Variants in STAC observed in about 807,000 individuals in gnomAD.
STAC encodes SH3 and cysteine-rich domain-containing protein.
In STAC, 43 loss-of-function variants were observed where a neutral mutation model predicts 48.8. That is an observed-to-expected ratio of 0.88 (90% confidence interval 0.69 to 1.14). The LOEUF (loss-of-function observed/expected upper bound fraction) is 1.14. Ranked by LOEUF, STAC falls within the 50% of genes most tolerant of loss-of-function variation. STAC has a pLI of 0.00. For synonymous variants in STAC, 193 were observed against 179.5 expected, an observed-to-expected ratio of 1.07 and a Z score of -0.60; for missense variants, 497 against 504.0, an observed-to-expected ratio of 0.99 and a Z score of 0.13.
At chr3:36,447,611 C>T (rs1696544472) in intron 2 of STAC, among the ~76,000 whole-genome samples, 1 of 151,490 alleles carries the variant, frequency 6.6e-6, no homozygotes, top group African/African-American at 2.4e-5. Context: ...AGCCATTAAT[C>T]AAACCTTGAA....
chr3:36,532,418 T>C (rs1699094069), intron 10 of STAC, among the ~76,000 whole-genome samples: 1 of 152,156 alleles, frequency 6.6e-6, no homozygotes, highest in South Asian at 2.1e-4. Context: ...AGACTCTATG[T>C]TTAAAAAGAT....
chr3:36,452,689 T>C (rs1399212502), intron 2 of STAC, among the ~76,000 whole-genome samples: 1 of 152,226 alleles, frequency 6.6e-6, no homozygotes, highest in Non-Finnish European at 1.5e-5. Context: ...CATTTATCCA[T>C]CACACATGGA....
chr3:36,381,105 A>C (rs537544428), intron 1 of STAC, among the ~76,000 whole-genome samples: 2 of 152,200 alleles, frequency 1.3e-5, no homozygotes, highest in East Asian at 3.9e-4. Context: ...TGAGGGATGG[A>C]GACAGCCGAG....
At chr3:36,528,641 G>T (rs998561068) in intron 8 of STAC, 55 bp from the exon 9 acceptor site, 2 of 1,395,798 alleles carry the variant, frequency 1.4e-6, no homozygotes, top group African/African-American at 2.9e-5. Flanking sequence ...TGACTTTAAA[G>T]TATGTTATTT....
chr3:36,498,290 T>C (rs1396820519), intron 6 of STAC, among the ~76,000 whole-genome samples: 1 of 152,044 alleles, frequency 6.6e-6, no homozygotes, highest in East Asian at 1.9e-4. Context: ...GATTGATGGG[T>C]TTAACAACAT....
intron 6 of STAC, among the ~76,000 whole-genome samples, chr3:36,500,683 A>T (rs1438195500): frequency 6.6e-6 from 1 of 152,224 alleles, no homozygotes; most frequent in Non-Finnish European, 1.5e-5. Flanking sequence ...AATTTCAAAT[A>T]ATTATTATTA....
intron 3 of STAC, 72 bp downstream of exon 3, chr3:36,483,164 C>T (rs777892999): frequency 1.7e-6 from 2 of 1,206,270 alleles, no homozygotes; most frequent in South Asian, 1.3e-5. Context: ...TGAGATCACC[C>T]CCTCCAAAAT....
At chr3:36,508,787 C>G (rs971076421) in intron 8 of STAC, among the ~76,000 whole-genome samples, 10 of 152,000 alleles carry the variant, frequency 6.6e-5, no homozygotes, top group African/African-American at 2.4e-4. Flanking sequence ...TCCTGCATCC[C>G]TTTATTTTGA....
At chr3:36,452,303 TG>T (rs1470375514) in intron 2 of STAC, among the ~76,000 whole-genome samples, 1 of 152,246 alleles carries the variant, frequency 6.6e-6, no homozygotes, top group Non-Finnish European at 1.5e-5. Context: ...CACAAGCAGA[TG>T]CTATTTATAA....
At chr3:36,481,479 A>G (rs960195864) in intron 2 of STAC, among the ~76,000 whole-genome samples, 1 of 152,152 alleles carries the variant, frequency 6.6e-6, no homozygotes, top group African/African-American at 2.4e-5. Flanking sequence ...AAGAGGGTGG[A>G]TTTTGTAATC....
intron 8 of STAC, among the ~76,000 whole-genome samples, chr3:36,523,407 A>C (rs1044258950): frequency 1.3e-5 from 2 of 152,222 alleles, no homozygotes; most frequent in African/African-American, 4.8e-5. Flanking sequence ...ACTTTACATC[A>C]TGGTATACAA....
chr3:36,474,673 A>G (rs955223443), intron 2 of STAC, among the ~76,000 whole-genome samples: 1 of 152,226 alleles, frequency 6.6e-6, no homozygotes, highest in Non-Finnish European at 1.5e-5. Flanking sequence ...AGATCATAAG[A>G]GGAGAGAAAA....
chr3:36,382,818 T>C (rs1699539702), intron 1 of STAC, among the ~76,000 whole-genome samples: 1 of 152,140 alleles, frequency 6.6e-6, no homozygotes, highest in Non-Finnish European at 1.5e-5. Flanking sequence ...CTTACTGGCG[T>C]TTACAAGGAT....
chr3:36,439,641 T>TA (rs1418994738), intron 1 of STAC, among the ~76,000 whole-genome samples: 4 of 152,166 alleles, frequency 2.6e-5, no homozygotes, highest in South Asian at 2.1e-4. Flanking sequence ...ACTCCAGTCT[T>TA]ACCTCCTGTG....
chr3:36,410,743 T>C (rs891136075), intron 1 of STAC, among the ~76,000 whole-genome samples: 12 of 152,210 alleles, frequency 7.9e-5, no homozygotes, highest in East Asian at 3.8e-4. Context: ...CAGCAGCAAA[T>C]TGAAATTGAA....
chr3:36,505,132 A>G (rs1698370265), intron 7 of STAC, among the ~76,000 whole-genome samples: 1 of 152,280 alleles, frequency 6.6e-6, no homozygotes, highest in South Asian at 2.1e-4. Context: ...ATGCTAATGC[A>G]TGTAACATAA....
At chr3:36,474,024 A>G (rs1697420727) in intron 2 of STAC, among the ~76,000 whole-genome samples, 1 of 152,164 alleles carries the variant, frequency 6.6e-6, no homozygotes, top group Admixed American at 6.5e-5. Flanking sequence ...GTATGTAATC[A>G]CCAGCTTGGA....
intron 1 of STAC, among the ~76,000 whole-genome samples, chr3:36,398,906 T>C (rs1238873303): frequency 6.6e-6 from 1 of 152,106 alleles, no homozygotes. Context: ...AGCCTGAGGT[T>C]CAGAAGCATA....
chr3:36,474,684 G>C (rs963099831), intron 2 of STAC, among the ~76,000 whole-genome samples: 1 of 152,168 alleles, frequency 6.6e-6, no homozygotes, highest in African/African-American at 2.4e-5. Flanking sequence ...GGAGAGAAAA[G>C]TTTCAATATG....
Sources: gnomAD v4.1 joint callset for allele counts (sites outside exome capture counted in the v4.1 genomes callset) on GRCh38, gnomAD v4.1.1 for gene constraint, MANE v1.5 for transcripts, NCBI Gene and HGNC (gene_info 2026-07-23, HGNC 2026-07-21) for gene names.